Variants in PREPL observed in about 807,000 individuals in gnomAD.
PREPL encodes the protein prolyl endopeptidase like.
A neutral mutation model predicts 70.6 loss-of-function variants in PREPL; 77 were observed. The ratio of observed to expected loss-of-function variants is 1.09; its 90% CI spans 0.91 to 1.32. PREPL has a LOEUF of 1.32. Among genes scored for constraint, PREPL ranks in the 40% most tolerant of loss-of-function variants. The probability of loss-of-function intolerance (pLI) is 0.00; values close to 1 mark genes in which losing one functional copy is unlikely to be tolerated. For synonymous variants in PREPL, 315 were observed against 264.8 expected (o/e 1.19, Z -1.84); for missense variants, 1,002 against 778.2 (o/e 1.29, Z -3.42).
At chr2:44,352,065 TG>T (rs1676498903) in intron 1 of PREPL, among the ~76,000 whole-genome samples, 1 of 152,220 alleles carries the variant, frequency 6.6e-6, no homozygotes, top group Non-Finnish European at 1.5e-5. Flanking sequence ...TCTTAGAACT[TG>T]GGCCCTATGC....
At chr2:44,349,766 A>G (rs958464282) in intron 1 of PREPL, among the ~76,000 whole-genome samples, 4 of 152,172 alleles carry the variant, frequency 2.6e-5, no homozygotes, top group African/African-American at 9.7e-5. Flanking sequence ...AAAAAAGAAT[A>G]CGAGGAGAGA....
In PREPL at chr2:44,339,250, G is replaced by C; in HGVS notation, c.599C>G (p.Pro200Arg). Residue 200 changes from proline to arginine, a missense_variant, in exon 6 of 14, where the codon CCA (proline) becomes CGA (arginine). Coordinates refer to ENST00000409411, the MANE Select transcript of PREPL (RefSeq NM_001171613.2). The part of the protein sequence containing the change: ...LIDGLSPWDP[P>R]VLIQKRIHGV... ...ATGTATTCGCTTCTGGATAAGTACTGGTGGGTCCCAAGGGCTCAGGCCATC... is the reference window on the plus strand; with the variant it reads ...ATGTATTCGCTTCTGGATAAGTACTCGTGGGTCCCAAGGGCTCAGGCCATC... 1 of 1,614,082 alleles carries C rather than the reference G, an allele frequency of 6.2e-7. No homozygotes were observed. Among genetic ancestry groups the C allele is most frequent in the Non-Finnish European group, 8.5e-7 (1 of 1,179,994 alleles).
intron 1 of PREPL, among the ~76,000 whole-genome samples, 169 bp downstream of exon 1, chr2:44,361,211 C>T (rs1677752932): frequency 6.6e-6 from 1 of 152,160 alleles, no homozygotes; most frequent in African/African-American, 2.4e-5. Flanking sequence ...GTGCAACTCT[C>T]CACCCCAGGG....
At chr2:44,338,309 A>G (rs768693059) in intron 7 of PREPL, 42 bp downstream of exon 7, 2 of 1,527,016 alleles carry the variant, frequency 1.3e-6, no homozygotes, top group South Asian at 1.2e-5. Context: ...AACTGCATAA[A>G]TATTTTGATT....
chr2:44,329,093 A>G lies in PREPL; in HGVS notation c.1106T>C (p.Met369Thr), dbSNP rs1382255239. Residue 369 changes from methionine to threonine, a missense_variant, in exon 9 of 14, where the codon ATG (methionine) becomes ACG (threonine). Physicochemically the swap from Met to Thr is moderately conservative, Grantham distance 81. Coordinates refer to ENST00000409411, the MANE Select transcript of PREPL (RefSeq NM_001171613.2). ...AKSKDGKLVP[M>T]TVFHKTDSED... The stretch of plus-strand genomic sequence containing the variant: ...AGAGTCAGTTTTGTGGAAAACAGTC[A>G]TTGGCACTAATTTTCCATCCTAGAA... The G allele has an allele frequency of 6.2e-7, 1 of 1,601,066 alleles. No homozygotes were observed. The highest frequency in any genetic ancestry group is 1.7e-5 in the Admixed American group (1 of 59,360).
intron 9 of PREPL, among the ~76,000 whole-genome samples, chr2:44,328,204 TG>T (rs1477460027): frequency 6.7e-6 from 1 of 148,226 alleles, no homozygotes; most frequent in African/African-American, 2.5e-5. Flanking sequence ...GAGAATCGCT[TG>T]AACCCTGGCC....
At chr2:44,352,903 C>T (rs1462050619) in intron 1 of PREPL, among the ~76,000 whole-genome samples, 2 of 152,148 alleles carry the variant, frequency 1.3e-5, no homozygotes, top group East Asian at 3.9e-4. Context: ...GGTCAAAAGA[C>T]AAGAATAGGC....
chr2:44,319,729 C>T lies in PREPL; in HGVS notation c.*1627G>A, dbSNP rs570113945. 1 of 154,774 alleles carries T rather than the reference C, an allele frequency of 6.5e-6. No individual in the cohort carries two copies. Among genetic ancestry groups the T allele is most frequent in the African/African-American group, 2.4e-5 (1 of 41,552 alleles). 9.6% of individuals were successfully genotyped at this position (154,774 alleles called of 1,614,324 possible). A position where few individuals can be genotyped will look rare whatever the true frequency, so the allele number is the denominator to read the frequency against. ...TAGCTGTGCAAGAAATACATGTCTG[C>T]TAAAGTTACACGATCTTCGCACAAC... is the stretch of plus-strand genomic sequence containing the variant. On this transcript the variant is annotated 3_prime_UTR_variant, in exon 14 of 14. Transcript: ENST00000409411.
At chr2:44,353,190 G>A (rs1676634643) in intron 1 of PREPL, among the ~76,000 whole-genome samples, 1 of 152,172 alleles carries the variant, frequency 6.6e-6, no homozygotes, top group African/African-American at 2.4e-5. Context: ...GGCTAACTTA[G>A]GTCTACTTCT....
intron 10 of PREPL, 77 bp downstream of exon 10, chr2:44,326,635 A>G (rs1272102939): frequency 6.8e-7 from 1 of 1,473,132 alleles, no homozygotes; most frequent in East Asian, 2.3e-5. Flanking sequence ...GTGCCAGCCC[A>G]AAAACATTTT....
At chr2:44,351,176 C>T (rs1676393850) in intron 1 of PREPL, among the ~76,000 whole-genome samples, 1 of 150,756 alleles carries the variant, frequency 6.6e-6, no homozygotes, top group African/African-American at 2.4e-5. Flanking sequence ...CTCAGGTGAA[C>T]CACCCGCCTC....
intron 1 of PREPL, among the ~76,000 whole-genome samples, chr2:44,355,478 G>A (rs1301479323): frequency 6.6e-6 from 1 of 152,150 alleles, no homozygotes; most frequent in Non-Finnish European, 1.5e-5. Context: ...GAGCCTGGGA[G>A]GTGGAGGTTG....
At position 44,338,464 on chromosome 2, in the gene PREPL, T is replaced by G. The variant is rs748230327; in HGVS notation, c.775A>C (p.Lys259Gln). The G allele has an allele frequency of 1.8e-5, 29 of 1,613,086 alleles. No individual in the cohort carries two copies. Among genetic ancestry groups the G allele is most frequent in the Non-Finnish European group, 2.5e-5 (29 of 1,179,544 alleles). ...DLFFTMKRNTKVIDLDMFKDH... is the reference protein window; with the variant it reads ...DLFFTMKRNTQVIDLDMFKDH... The stretch of plus-strand genomic sequence containing the variant: ...TTAAACATGTCCAAGTCTATCACTT[T>G]TGTATTTCTCTTCATTGTAAAAAAT... The change falls in exon 7 of 14, where the codon AAA becomes CAA. Residue 259 changes from lysine (K) to glutamine (Q), a missense_variant. Physicochemically the swap from Lys to Gln is moderately conservative, Grantham distance 53 (BLOSUM62 1). Coordinates refer to ENST00000409411, the MANE Select transcript of PREPL (RefSeq NM_001171613.2).
At chr2:44,340,022 G>A (rs1372841499) in intron 5 of PREPL, among the ~76,000 whole-genome samples, 1 of 151,712 alleles carries the variant, frequency 6.6e-6, no homozygotes, top group African/African-American at 2.4e-5. Flanking sequence ...TTTCATGTGT[G>A]TCTTTAAATA....
intron 1 of PREPL, among the ~76,000 whole-genome samples, chr2:44,356,011 A>T (rs2104210285): frequency 6.6e-6 from 1 of 152,316 alleles, no homozygotes; most frequent in Non-Finnish European, 1.5e-5. Context: ...GGATGGATGG[A>T]TGCTAGTCTT....
chr2:44,321,807 A>G lies in PREPL; in HGVS notation c.1827+20T>C. On this transcript the variant is annotated intron_variant, in intron 13 of 13. Transcript: ENST00000409411. Reference sequence around the variant, plus strand: ...ATCTAGTTCGGGAATCTGTCCACTGAGAGGGCCTTGATAACATACCTTTTT... The same window carrying G: ...ATCTAGTTCGGGAATCTGTCCACTGGGAGGGCCTTGATAACATACCTTTTT... 2 of 1,613,872 alleles carry G rather than the reference A, an allele frequency of 1.2e-6. No individual in the cohort carries two copies. The highest frequency in any genetic ancestry group is 1.7e-6 in the Non-Finnish European group (2 of 1,179,800).
intron 7 of PREPL, among the ~76,000 whole-genome samples, chr2:44,333,160 A>G (rs1674295543): frequency 6.6e-6 from 1 of 152,234 alleles, no homozygotes. Context: ...GCTCAGCAGC[A>G]TTAAGGCATT....
At chr2:44,359,533 T>A in intron 1 of PREPL, 1 of 1,613,374 alleles carries the variant, frequency 6.2e-7, no homozygotes, top group Non-Finnish European at 8.5e-7. Context: ...TGTTTCTTGC[T>A]AACTCTGATA....
intron 7 of PREPL, among the ~76,000 whole-genome samples, chr2:44,335,685 A>G (rs1418293402): frequency 6.6e-6 from 1 of 152,172 alleles, no homozygotes; most frequent in Non-Finnish European, 1.5e-5. Context: ...CAACAAAAAC[A>G]AAAATCAGCA....
Sources: allele counts gnomAD v4.1 joint callset (sites outside exome capture counted in the v4.1 genomes callset), GRCh38; gene constraint gnomAD v4.1.1; transcripts MANE v1.5; gene names NCBI Gene and HGNC (gene_info 2026-07-23, HGNC 2026-07-21).